HEPACAM2: variants seen among roughly 807,000 people sequenced by gnomAD.
The protein encoded by HEPACAM2 is mitotic kinetics regulator.
A neutral mutation model predicts 49.6 loss-of-function variants in HEPACAM2; 49 were observed. The observed-to-expected ratio is 0.99, with a 90% CI of 0.78 to 1.25. HEPACAM2 has a LOEUF of 1.25. HEPACAM2 is among the 50% of genes most tolerant of loss of function. HEPACAM2 has a pLI of 0.00. For missense variants in HEPACAM2, 525 were observed against 557.2 expected, an observed-to-expected ratio of 0.94 and a Z score of 0.58; for synonymous variants, 197 against 202.9, an observed-to-expected ratio of 0.97 and a Z score of 0.25.
At chr7:93,230,084 G>T (rs1305404483), upstream of HEPACAM2, among the ~76,000 whole-genome samples, 1 of 152,084 alleles carries the variant, frequency 6.6e-6, no homozygotes, top group African/African-American at 2.4e-5. Flanking sequence ...GAGTTTTGGA[G>T]TAAAACAAAG....
At chr7:93,218,906 A>T (rs1794379477) in intron 2 of HEPACAM2, among the ~76,000 whole-genome samples, 195 bp downstream of exon 2, 1 of 152,168 alleles carries the variant, frequency 6.6e-6, no homozygotes, top group African/African-American at 2.4e-5. Context: ...TCTTATGTGC[A>T]TGTCTTATTT....
At chr7:93,222,494 A>C (rs148108324) in intron 1 of HEPACAM2, among the ~76,000 whole-genome samples, 2 of 152,234 alleles carry the variant, frequency 1.3e-5, no homozygotes, top group African/African-American at 4.8e-5. Context: ...ATTGAGTCTT[A>C]AATTTATCAC....
intron 2 of HEPACAM2, among the ~76,000 whole-genome samples, chr7:93,218,805 A>G (rs1327655546): frequency 6.6e-6 from 1 of 152,088 alleles, no homozygotes; most frequent in Non-Finnish European, 1.5e-5. Flanking sequence ...TCTCCATCTC[A>G]TCAAATTAGC....
chr7:93,222,002 A>C (rs143696078), intron 1 of HEPACAM2, among the ~76,000 whole-genome samples: 193 of 152,292 alleles, frequency 1.3e-3, no homozygotes, highest in African/African-American at 4.4e-3. Context: ...AAGAGGAGAT[A>C]AAGTGGACTG....
intron 2 of HEPACAM2, among the ~76,000 whole-genome samples, chr7:93,216,681 G>A (rs1470056417): frequency 6.6e-6 from 1 of 152,192 alleles, no homozygotes; most frequent in Non-Finnish European, 1.5e-5. Context: ...AAAATGAAGA[G>A]GGCTTCACAT....
chr7:93,192,188 C>T, intron 9 of HEPACAM2, 66 bp downstream of exon 9: 1 of 1,185,094 alleles, frequency 8.4e-7, no homozygotes, highest in East Asian at 2.3e-5. Context: ...TTAATCAGTT[C>T]TGGGGAAAGC....
At chr7:93,194,009 A>G (rs1235529041) in intron 8 of HEPACAM2, among the ~76,000 whole-genome samples, 1 of 152,158 alleles carries the variant, frequency 6.6e-6, no homozygotes, top group African/African-American at 2.4e-5. Flanking sequence ...TGCAATGGCC[A>G]ATTAAGAACC....
At chr7:93,212,028 C>T (rs1794190324) in intron 3 of HEPACAM2, among the ~76,000 whole-genome samples, 1 of 151,946 alleles carries the variant, frequency 6.6e-6, no homozygotes, top group South Asian at 2.1e-4. Context: ...TTGGGGAACT[C>T]CTCATTTGGA....
chr7:93,196,793 G>C (rs1409597147), intron 7 of HEPACAM2, among the ~76,000 whole-genome samples: 1 of 152,182 alleles, frequency 6.6e-6, no homozygotes, highest in African/African-American at 2.4e-5. Flanking sequence ...TGGGGACAAA[G>C]AAGCAATCCT....
At chr7:93,192,428 T>A in intron 8 of HEPACAM2, 65 bp from the exon 9 acceptor site, 11 of 1,203,872 alleles carry the variant, frequency 9.1e-6, no homozygotes, top group African/African-American at 1.5e-5. Flanking sequence ...TCCACTATGT[T>A]GCATAGTTGA....
chr7:93,228,805 G>A (rs749643483), upstream of HEPACAM2, among the ~76,000 whole-genome samples: 2 of 152,162 alleles, frequency 1.3e-5, no homozygotes, highest in Non-Finnish European at 2.9e-5. Context: ...TAGAGTATGC[G>A]TGTGTGTGTC....
In HEPACAM2 at chr7:93,215,609, T is replaced by C; in HGVS notation, c.507A>G (p.Thr169=). The C allele has an allele frequency of 6.2e-7, 1 of 1,613,730 alleles. No individual in the cohort carries two copies. The highest frequency in any genetic ancestry group is 8.5e-7 in the Non-Finnish European group (1 of 1,179,794). Residue 169 remains threonine, a synonymous_variant, in exon 3 of 10, where the codon ACA becomes ACG. Coordinates refer to ENST00000394468, the MANE Select transcript of HEPACAM2 (RefSeq NM_001039372.4). The part of the protein sequence containing the change: ...AVEYVGNMTL[T]CHVEGGTRLA... ...GCCGAGTGCCCCCTTCCACATGGCA[T>C]GTCAGGGTCATGTTCCCCACATACT...
intron 1 of HEPACAM2, among the ~76,000 whole-genome samples, chr7:93,222,740 GC>G (rs1484266774): frequency 6.6e-6 from 1 of 152,092 alleles, no homozygotes; most frequent in Admixed American, 6.6e-5. Flanking sequence ...AAGGTGTAAG[GC>G]CTTTCTCGAC....
At chr7:93,203,349 AT>A (rs1793943448) in intron 4 of HEPACAM2, among the ~76,000 whole-genome samples, 3 of 152,126 alleles carry the variant, frequency 2.0e-5, no homozygotes, top group Admixed American at 2.0e-4. Flanking sequence ...AAAGGATCAA[AT>A]CAAGGGGCAC....
chr7:93,217,635 A>G (rs1489330632), intron 2 of HEPACAM2, among the ~76,000 whole-genome samples: 1 of 152,144 alleles, frequency 6.6e-6, no homozygotes, highest in Admixed American at 6.6e-5. Flanking sequence ...TATTCCACAG[A>G]TAGTTGCTGA....
intron 1 of HEPACAM2, 47 bp from the exon 2 acceptor site, chr7:93,219,498 A>G: frequency 6.2e-7 from 1 of 1,610,914 alleles, no homozygotes; most frequent in Non-Finnish European, 8.5e-7. Context: ...GCCACATTTC[A>G]CAATCTAAAG....
intron 8 of HEPACAM2, 64 bp from the exon 9 acceptor site, chr7:93,192,427 T>C: frequency 1.0e-5 from 12 of 1,201,770 alleles, no homozygotes; most frequent in African/African-American, 1.5e-5. Context: ...TTCCACTATG[T>C]TGCATAGTTG....
chr7:93,195,940 C>T, intron 7 of HEPACAM2, 39 bp from the exon 8 acceptor site: 1 of 1,413,070 alleles, frequency 7.1e-7, no homozygotes, highest in Admixed American at 1.7e-5. Context: ...AACCGAATGC[C>T]TTGATTTGCT....
chr7:93,219,662 G>T, intron 1 of HEPACAM2: 2 of 730,608 alleles, frequency 2.7e-6, no homozygotes, highest in South Asian at 2.9e-5. Context: ...AGACCGTGCT[G>T]GTTGCACAAG....
Sources: gnomAD v4.1 joint callset for allele counts (sites outside exome capture counted in the v4.1 genomes callset) on GRCh38, gnomAD v4.1.1 for gene constraint, MANE v1.5 for transcripts, NCBI Gene and HGNC (gene_info 2026-07-23, HGNC 2026-07-21) for gene names.